NBPF11: variants seen among roughly 807,000 people sequenced by gnomAD.
NBPF11 encodes the protein NBPF family member NBPF11.
A neutral mutation model predicts 93.9 loss-of-function variants in NBPF11; 72 were observed. The ratio of observed to expected loss-of-function variants is 0.77; its 90% CI spans 0.63 to 0.93. The LOEUF (loss-of-function observed/expected upper bound fraction) is 0.93. NBPF11 is among the 40% of genes least tolerant of loss of function. The pLI, the probability that NBPF11 is intolerant of heterozygous loss-of-function variation, is 0.00. For synonymous variants in NBPF11, 224 were observed against 304.9 expected (o/e 0.73, Z 2.76); for missense variants, 705 against 802.2 (o/e 0.88, Z 1.46).
intron 23 of NBPF11, 65 bp from the exon 24 acceptor site, chr1:148,103,977 A>C: frequency 2.5e-6 from 4 of 1,609,600 alleles, no homozygotes; most frequent in Non-Finnish European, 2.5e-6. Flanking sequence ...GCCCCACTAG[A>C]TTTCAGAAGT....
At chr1:148,115,605 C>G (rs1666328153) in intron 14 of NBPF11, among the ~76,000 whole-genome samples, 188 bp downstream of exon 14, 1 of 151,800 alleles carries the variant, frequency 6.6e-6, no homozygotes, top group African/African-American at 2.4e-5. Flanking sequence ...GGTCGAGTAA[C>G]TTGATACTGG....
In NBPF11 at chr1:148,120,896, C is replaced by A. The variant is rs1337795946; in HGVS notation, c.779-186G>T. Among the ~76,000 whole-genome samples the A allele has an allele frequency of 4.5e-4, 69 of 152,106 alleles. 1 individual carries two copies. The highest frequency in any genetic ancestry group is 1.6e-3 in the African/African-American group (65 of 41,376). ...TCAACTTGTCTTAGCTATGCAGTCA[C>A]CTTGAAACCAAGACATAAACACTTC... On this transcript the variant is annotated intron_variant, in intron 9 of 23. Coordinates refer to ENST00000682118, the MANE Select transcript of NBPF11 (RefSeq NM_001385469.3).
intron 2 of NBPF11, among the ~76,000 whole-genome samples, chr1:148,140,486 G>T (rs1417511392): frequency 6.7e-6 from 1 of 150,294 alleles, no homozygotes; most frequent in African/African-American, 2.5e-5. Flanking sequence ...GAAAAAGCAA[G>T]TCACAGACTG....
intron 7 of NBPF11, among the ~76,000 whole-genome samples, chr1:148,123,396 T>G (rs1442868063): frequency 2.0e-5 from 3 of 152,180 alleles, no homozygotes; most frequent in Admixed American, 1.3e-4. Context: ...GTTCCCATAT[T>G]TGGATGCTTC....
At chr1:148,149,299 C>T (rs1267798121) in intron 1 of NBPF11, 4 of 1,596,844 alleles carry the variant, frequency 2.5e-6, no homozygotes, top group Non-Finnish European at 3.4e-6. Context: ...GCGTCGCCTT[C>T]CGCGACACCA....
At chr1:148,128,919 T>G (rs1334012312) in intron 4 of NBPF11, among the ~76,000 whole-genome samples, 1 of 146,262 alleles carries the variant, frequency 6.8e-6, no homozygotes, top group South Asian at 2.1e-4. Flanking sequence ...GGTGCGAGCA[T>G]GTTCTCACTC....
At chr1:148,131,000 G>A (rs1670231956) in intron 4 of NBPF11, among the ~76,000 whole-genome samples, 1 of 151,640 alleles carries the variant, frequency 6.6e-6, no homozygotes, top group Non-Finnish European at 1.5e-5. Flanking sequence ...ATGTATGTTT[G>A]TACTTTCACT....
chr1:148,112,954 G>T (rs1469943029), intron 15 of NBPF11, among the ~76,000 whole-genome samples: 2 of 151,640 alleles, frequency 1.3e-5, no homozygotes, highest in African/African-American at 4.9e-5. Flanking sequence ...TGCCCAAAAA[G>T]AGCTCCTAAA....
At chr1:148,120,807 C>G (rs1268906872) in intron 9 of NBPF11, 97 bp from the exon 10 acceptor site, 180 of 937,210 alleles carry the variant, frequency 1.9e-4, no homozygotes, top group Non-Finnish European at 2.9e-4. Context: ...GCCTTGTTTA[C>G]TTATTTGAAG....
chr1:148,108,532 G>T lies in NBPF11; in HGVS notation c.1976C>A (p.Ala659Asp), dbSNP rs1553267812. The stretch of plus-strand genomic sequence containing the variant: ...ACGCTGTTGCTCCAATACGTAAAAG[G>T]CACTTCTGTAGGGCTGGCATGAGTC... Reference protein sequence around the residue: ...LTDSCQPYRSAFYVLEQQRIG... With the variant: ...LTDSCQPYRSDFYVLEQQRIG... Residue 659 changes from alanine to aspartate, a missense_variant, in exon 18 of 24, where the codon GCC (alanine) becomes GAC (aspartate). Ala to Asp is a moderately radical substitution (Grantham distance 126, BLOSUM62 -2). Coordinates refer to ENST00000682118, the MANE Select transcript of NBPF11 (RefSeq NM_001385469.3). 3 of 1,601,708 alleles carry T rather than the reference G, an allele frequency of 1.9e-6. No homozygotes were observed. Among genetic ancestry groups the T allele is most frequent in the South Asian group, 2.2e-5 (2 of 90,832 alleles).
rs1347843858 is a variant in NBPF11, at chr1:148,145,360, C to T, written c.-548-1674G>A. On this transcript the variant is annotated intron_variant, in intron 1 of 23. Transcript: ENST00000682118. Reference sequence around the variant, plus strand: ...CTGAGTAGCTGGGATTACAGGTGCCCGCCACCACATCCAGCTAATTTTTGT... The same window carrying T: ...CTGAGTAGCTGGGATTACAGGTGCCTGCCACCACATCCAGCTAATTTTTGT... Among the ~76,000 whole-genome samples the T allele has an allele frequency of 5.5e-5, 8 of 144,768 alleles. No homozygotes were observed. In the East Asian group the frequency reaches 8.7e-4, roughly 16 times the overall value. The allele number at this position is 144,768 out of a possible 152,430, so 95.0% of individuals were successfully genotyped here. A position where few individuals can be genotyped will look rare whatever the true frequency, so the allele number is the denominator to read the frequency against.
At chr1:148,146,547 C>T (rs1673118413) in intron 1 of NBPF11, 1 of 1,604,486 alleles carries the variant, frequency 6.2e-7, no homozygotes. Context: ...CCGGGGCCGC[C>T]CCCTTGGGGA....
intron 1 of NBPF11, among the ~76,000 whole-genome samples, chr1:148,147,920 C>T (rs1673456108): frequency 6.6e-6 from 1 of 152,058 alleles, no homozygotes; most frequent in African/African-American, 2.4e-5. Context: ...ATCTGTCCTG[C>T]TGCCCCTTTG....
intron 13 of NBPF11, among the ~76,000 whole-genome samples, chr1:148,116,203 C>A (rs1484843584): frequency 2.0e-5 from 3 of 151,946 alleles, no homozygotes; most frequent in Non-Finnish European, 4.4e-5. Context: ...AAGAGAGCAG[C>A]TGCTGTTCAT....
In NBPF11 at chr1:148,124,946, G is replaced by C. The variant is rs587675863; in HGVS notation, c.231C>G (p.Phe77Leu). Residue 77 changes from phenylalanine to leucine, a missense_variant, in exon 6 of 24, where the codon TTC becomes TTG. Phe to Leu is a conservative substitution (Grantham distance 22). This residue lies in a region of NBPF11 where 128 missense variants were observed against 112.8 expected (regional missense o/e 1.14). Transcript: ENST00000682118. The stretch of plus-strand genomic sequence containing the variant: ...GCTGCTCTGCAAGCTTCTCCTCCTT[G>C]AACTGTCGCTCATTCCTCAGCATAA... ...IKFMLRNERQFKEEKLAEQLK... is the reference protein window; with the variant it reads ...IKFMLRNERQLKEEKLAEQLK... The C allele has an allele frequency of 4.3e-6, 7 of 1,609,450 alleles. No homozygotes were observed. The African/African-American group carries it at 5.3e-5, about 12-fold the overall frequency.
chr1:148,149,001 G>C (rs1418242962), intron 1 of NBPF11, among the ~76,000 whole-genome samples: 1 of 151,268 alleles, frequency 6.6e-6, no homozygotes, highest in Admixed American at 6.6e-5. Context: ...GGGGCTGGGG[G>C]TGGCCCTCGG....
intron 17 of NBPF11, 30 bp downstream of exon 17, chr1:148,109,254 A>G (rs1553268118): frequency 1.2e-6 from 1 of 824,978 alleles, no homozygotes; most frequent in Non-Finnish European, 2.1e-6. Flanking sequence ...GTCAACATCA[A>G]ATTAACTGTC....
At chr1:148,148,010 CGTTT>C (rs1673476876) in intron 1 of NBPF11, among the ~76,000 whole-genome samples, 1 of 152,202 alleles carries the variant, frequency 6.6e-6, no homozygotes, top group Admixed American at 6.5e-5. Context: ...GTGTCCCGTT[CGTTT>C]GAGTGGTGAC....
At chr1:148,118,304 G>A (rs1571436580) in intron 11 of NBPF11, among the ~76,000 whole-genome samples, 1 of 152,092 alleles carries the variant, frequency 6.6e-6, no homozygotes, top group African/African-American at 2.4e-5. Context: ...GTGGGGTGGT[G>A]ATGGCACACC....
Sources: gnomAD v4.1 joint callset for allele counts (sites outside exome capture counted in the v4.1 genomes callset) on GRCh38, gnomAD v4.1.1 for gene constraint, gnomAD v4.1.1 regional missense constraint, MANE v1.5 for transcripts, NCBI Gene and HGNC (gene_info 2026-07-23, HGNC 2026-07-21) for gene names.